The following GPRIN2 variants were observed in gnomAD, a reference collection of about 807,000 sequenced individuals.
GPRIN2 encodes the protein G protein regulated inducer of neurite outgrowth 2.
In GPRIN2, 1 loss-of-function variant was observed where a neutral mutation model predicts 0.3. The ratio of observed to expected loss-of-function variants is 3.90; its 90% CI spans 1.39 to 18.51. The LOEUF is 18.51. Ranked by LOEUF, GPRIN2 falls within the 30% of genes most tolerant of loss-of-function variation. GPRIN2 has a pLI of 0.11. For missense variants in GPRIN2, 880 were observed against 604.2 expected (o/e 1.46, Z -4.79); for synonymous variants, 361 against 258.6 (o/e 1.40, Z -3.80).
rs1340419403 is a variant in GPRIN2 at position 46,546,280 on chromosome 10, G to C, written c.*3080C>G. Among the ~76,000 whole-genome samples the C allele has an allele frequency of 6.6e-6, 1 of 152,312 alleles. No homozygotes were observed. Among genetic ancestry groups the C allele is most frequent in the East Asian group, 1.9e-4 (1 of 5,208 alleles). On this transcript the variant is annotated 3_prime_UTR_variant, in exon 3 of 3. Transcript: ENST00000374314. Reference sequence around the variant, plus strand: ...AGCTATATGAAGAGAGGCTTCAGCTGTCGGGGGTCCTGAATGCCATGGAAG... The same window carrying C: ...AGCTATATGAAGAGAGGCTTCAGCTCTCGGGGGTCCTGAATGCCATGGAAG...
rs1363168544 is a variant in GPRIN2 at position 46,546,821 on chromosome 10, A to G, written c.*2539T>C. ...ACAAGGATCGTGGTTTAGCCAGGAG[A>G]ATCATCTGGGGCCCCAGCCAAGACA... On this transcript the variant is annotated 3_prime_UTR_variant, in exon 3 of 3. Transcript: ENST00000374314. 6.6e-6 allele frequency among the ~76,000 whole-genome samples: 1 copy of G among 152,312 alleles called. No homozygotes were observed. Among genetic ancestry groups the G allele is most frequent in the Admixed American group, 6.5e-5 (1 of 15,294 alleles).
intron 1 of GPRIN2, among the ~76,000 whole-genome samples, chr10:46,555,898 C>T (rs1340157714): frequency 6.6e-6 from 1 of 152,310 alleles, no homozygotes; most frequent in East Asian, 1.9e-4. Flanking sequence ...CTCTGCACGC[C>T]AAGCACAGGC....
chr10:46,546,105 G>A lies in GPRIN2; in HGVS notation c.*3255C>T, dbSNP rs1448480147. Among the ~76,000 whole-genome samples, 1 of 152,308 alleles carries A rather than the reference G, an allele frequency of 6.6e-6. No homozygotes were observed. Among genetic ancestry groups the A allele is most frequent in the Non-Finnish European group, 1.5e-5 (1 of 68,056 alleles). ...AGGAGGTAAGATCACAGTGGAACAG[G>A]CCATCCCTGCTTTTCCACCACCACC... On this transcript the variant is annotated 3_prime_UTR_variant, in exon 3 of 3. Transcript: ENST00000374314.
In GPRIN2 at chr10:46,549,365, C is replaced by T. The variant is rs111395953; in HGVS notation, c.1372G>A (p.Glu458Lys). 8.8e-4 allele frequency: 1,300 copies of T among 1,473,858 alleles called. No homozygotes were observed. The African/African-American group carries it at 0.016, about 18-fold the overall frequency. The allele number at this position is 1,473,858 out of a possible 1,614,324, so 91.3% of individuals were successfully genotyped here. Residue 458 changes from glutamate to lysine, a missense_variant, in exon 3 of 3, where the codon GAG becomes AAG. By Grantham distance (56) the Glu-to-Lys change is moderately conservative. Coordinates refer to ENST00000374314, the MANE Select transcript of GPRIN2 (RefSeq NM_001385282.1). ...SCCGCSGAAP[E>K] The stretch of plus-strand genomic sequence containing the variant: ...GCTCCAAGGGCCACAGCTCCTCACT[C>T]GGGGGCCGCGCCGGAGCAGCCGCAG...
rs1427573931 is a variant in GPRIN2 at position 46,549,450 on chromosome 10, A to C, written c.1287T>G (p.Ser429=). The change falls in exon 3 of 3, where the codon TCT becomes TCG. Residue 429 remains serine (S), a synonymous_variant. Transcript: ENST00000374314. Reference sequence around the variant, plus strand: ...GCAGTGGCCCCCTCCGGCCCTCCACAGACAGGCTGTCCTCGCTGGCGGGCG... The same window carrying C: ...GCAGTGGCCCCCTCCGGCCCTCCACCGACAGGCTGTCCTCGCTGGCGGGCG... ...QRAPASEDSL[S]VEGRRGPLRA... 6.2e-7 allele frequency: 1 copy of C among 1,607,784 alleles called. No homozygotes were observed. The highest frequency in any genetic ancestry group is 8.5e-7 in the Non-Finnish European group (1 of 1,176,666).
At chr10:46,551,156 C>T (rs1199169192) in intron 2 of GPRIN2, among the ~76,000 whole-genome samples, 5 of 152,302 alleles carry the variant, frequency 3.3e-5, no homozygotes, top group African/African-American at 1.2e-4. Context: ...CTTGGTCAAC[C>T]AGCACGGAAG....
chr10:46,555,194 G>A (rs1204078655), intron 1 of GPRIN2, among the ~76,000 whole-genome samples: 1 of 152,306 alleles, frequency 6.6e-6, no homozygotes, highest in Admixed American at 6.5e-5. Context: ...TGATCCACCT[G>A]CCTCGGCCTC....
rs1555017506 is a variant in GPRIN2, at chr10:46,549,574, C to T, written c.1163G>A (p.Gly388Asp). 4 of 1,614,170 alleles carry T rather than the reference C, an allele frequency of 2.5e-6. No individual in the cohort carries two copies. The highest frequency in any genetic ancestry group is 1.1e-5 in the South Asian group (1 of 91,088). Residue 388 changes from glycine to aspartate, a missense_variant, in exon 3 of 3, where the codon GGC becomes GAC. Coordinates refer to ENST00000374314, the MANE Select transcript of GPRIN2 (RefSeq NM_001385282.1). ...PVRDVRWDAEGMTWEVYGAAV... is the reference protein window; with the variant it reads ...PVRDVRWDAEDMTWEVYGAAV... ...AGCTCCGTACACCTCCCATGTCATG[C>T]CCTCAGCATCCCATCGCACATCCCG...
At position 46,549,261 on chromosome 10, in the gene GPRIN2, G is replaced by A; in HGVS notation, c.*99C>T. The A allele has an allele frequency of 7.2e-7, 1 of 1,379,622 alleles. No homozygotes were observed. Among genetic ancestry groups the A allele is most frequent in the South Asian group, 1.7e-5 (1 of 59,172 alleles). The allele number at this position is 1,379,622 out of a possible 1,614,324, so 85.5% of individuals were successfully genotyped here. On this transcript the variant is annotated 3_prime_UTR_variant, in exon 3 of 3. Coordinates refer to ENST00000374314, the MANE Select transcript of GPRIN2 (RefSeq NM_001385282.1). ...AATATTCAGGTGAGAGATGTGCCCA[G>A]CTGCCGGTGGGTCCAGGGGGCACGG...
chr10:46,543,411 T>G lies in GPRIN2; in HGVS notation c.*5949A>C. 6.6e-6 allele frequency among the ~76,000 whole-genome samples: 1 copy of G among 152,294 alleles called. No individual in the cohort carries two copies. The highest frequency in any genetic ancestry group is 1.5e-5 in the Non-Finnish European group (1 of 68,056). On this transcript the variant is annotated 3_prime_UTR_variant, in exon 3 of 3. Coordinates refer to ENST00000374314, the MANE Select transcript of GPRIN2 (RefSeq NM_001385282.1). Reference sequence around the variant, plus strand: ...ATGAAACCACAAAAGAAGAACAGATTAAAGAGAAATGGGGGATGGGGATGA... The same window carrying G: ...ATGAAACCACAAAAGAAGAACAGATGAAAGAGAAATGGGGGATGGGGATGA...
In GPRIN2 at chr10:46,544,296, G is replaced by A. The variant is rs952939187; in HGVS notation, c.*5064C>T. 9.8e-5 allele frequency among the ~76,000 whole-genome samples: 15 copies of A among 152,300 alleles called. No homozygotes were observed. Among genetic ancestry groups the A allele is most frequent in the Admixed American group, 3.9e-4 (6 of 15,288 alleles). On this transcript the variant is annotated 3_prime_UTR_variant, in exon 3 of 3. Transcript: ENST00000374314. ...CAGGCAGTTCCCAATCTCCACAAGG[G>A]CAAGAAGGTAGAGTCCATACTTCTT...
At chr10:46,551,031 G>A (rs1001379672) in intron 2 of GPRIN2, among the ~76,000 whole-genome samples, 10 of 152,298 alleles carry the variant, frequency 6.6e-5, no homozygotes, top group Non-Finnish European at 1.3e-4. Flanking sequence ...CACTCTATCA[G>A]CTCTCAACTC....
chr10:46,557,559 A>G (rs1175823251), upstream of GPRIN2, among the ~76,000 whole-genome samples: 1 of 152,306 alleles, frequency 6.6e-6, no homozygotes, highest in African/African-American at 2.4e-5. Context: ...CCTCCACTGG[A>G]GCCCGCCTTC....
At position 46,542,147 on chromosome 10, in the gene GPRIN2, A is replaced by G. The variant is rs1841812682; in HGVS notation, c.*7213T>C. On this transcript the variant is annotated 3_prime_UTR_variant, in exon 3 of 3. Coordinates refer to ENST00000374314, the MANE Select transcript of GPRIN2 (RefSeq NM_001385282.1). The stretch of plus-strand genomic sequence containing the variant: ...TGTTGACTGCTAAAAATGAGAAGTG[A>G]ACAGAGAGAAGGCCAGGCAGAAGGC... Among the ~76,000 whole-genome samples, 1 of 152,310 alleles carries G rather than the reference A, an allele frequency of 6.6e-6. No homozygotes were observed. The highest frequency in any genetic ancestry group is 1.5e-5 in the Non-Finnish European group (1 of 68,056).
In GPRIN2 at chr10:46,547,838, G is replaced by A. The variant is rs1195400317; in HGVS notation, c.*1522C>T. On this transcript the variant is annotated 3_prime_UTR_variant, in exon 3 of 3. Transcript: ENST00000374314. ...ATGCATATGGGAAAGGCATGTTTACGGGTGAGAATGGTCCATCGTTGGGCT... is the reference window on the plus strand; with the variant it reads ...ATGCATATGGGAAAGGCATGTTTACAGGTGAGAATGGTCCATCGTTGGGCT... Among the ~76,000 whole-genome samples, 6 of 152,422 alleles carry A rather than the reference G, an allele frequency of 3.9e-5. No individual in the cohort carries two copies. Among genetic ancestry groups the A allele is most frequent in the East Asian group, 1.9e-4 (1 of 5,196 alleles).
rs1047448629 is a variant in GPRIN2, at chr10:46,545,341, C to A, written c.*4019G>T. Among the ~76,000 whole-genome samples, 1 of 152,306 alleles carries A rather than the reference C, an allele frequency of 6.6e-6. No homozygotes were observed. The highest frequency in any genetic ancestry group is 1.9e-4 in the East Asian group (1 of 5,208). ...GAAGTGCCTGGAGGCTACATCTTCA[C>A]CCCTGGGTAGTCCTTACTCTGAGGT... On this transcript the variant is annotated 3_prime_UTR_variant, in exon 3 of 3. Coordinates refer to ENST00000374314, the MANE Select transcript of GPRIN2 (RefSeq NM_001385282.1).
chr10:46,546,480 T>G lies in GPRIN2; in HGVS notation c.*2880A>C, dbSNP rs1842170470. ...CATCCCTGCTGGGGTCTGGCAAAGC[T>G]CTCACCTCCAAATTTGTATCTGTTT... On this transcript the variant is annotated 3_prime_UTR_variant, in exon 3 of 3. Coordinates refer to ENST00000374314, the MANE Select transcript of GPRIN2 (RefSeq NM_001385282.1). Among the ~76,000 whole-genome samples, 2 of 152,312 alleles carry G rather than the reference T, an allele frequency of 1.3e-5. No homozygotes were observed. Among genetic ancestry groups the G allele is most frequent in the East Asian group, 3.8e-4 (2 of 5,208 alleles).
chr10:46,555,352 CTA>C, intron 1 of GPRIN2: 1 of 154,916 alleles, frequency 6.5e-6, no homozygotes, highest in Admixed American at 6.5e-5. Context: ...AAAACTGGTT[CTA>C]TGTTAAAATA....
rs1228689700 is a variant in GPRIN2, at chr10:46,543,527, C to T, written c.*5833G>A. Among the ~76,000 whole-genome samples, 1 of 152,302 alleles carries T rather than the reference C, an allele frequency of 6.6e-6. No homozygotes were observed. The highest frequency in any genetic ancestry group is 1.5e-5 in the Non-Finnish European group (1 of 68,054). ...CACAGAGGTGCTGCAGTCCTGGGGC[C>T]ATGTTCATAGGATGCAGAGAAAGCA... On this transcript the variant is annotated 3_prime_UTR_variant, in exon 3 of 3. Coordinates refer to ENST00000374314, the MANE Select transcript of GPRIN2 (RefSeq NM_001385282.1).
Sources: allele counts gnomAD v4.1 joint callset (sites outside exome capture counted in the v4.1 genomes callset), GRCh38; gene constraint gnomAD v4.1.1; transcripts MANE v1.5; gene names NCBI Gene and HGNC (gene_info 2026-07-23, HGNC 2026-07-21).